TEX2: variants seen among roughly 807,000 people sequenced by gnomAD.
The protein encoded by TEX2 is testis-expressed protein 2.
TEX2 carries 53 observed loss-of-function variants against 106.9 expected under a neutral mutation model. The observed-to-expected ratio is 0.50, with a 90% CI of 0.40 to 0.62. The LOEUF (loss-of-function observed/expected upper bound fraction) is 0.62, where lower values mean the gene tolerates loss of function less well. Ranked by LOEUF, TEX2 falls within the 20% of genes least tolerant of loss-of-function variation. The pLI, the probability that TEX2 is intolerant of heterozygous loss-of-function variation, is 0.00. For missense variants in TEX2, 1,207 were observed against 1,379.0 expected, an observed-to-expected ratio of 0.88 and a Z score of 1.98; for synonymous variants, 523 against 534.8, an observed-to-expected ratio of 0.98 and a Z score of 0.30.
chr17:64,257,851 T>A (rs1321477060), intron 1 of TEX2, among the ~76,000 whole-genome samples: 1 of 152,104 alleles, frequency 6.6e-6, no homozygotes, highest in East Asian at 1.9e-4. Context: ...GTTGCTAAGA[T>A]CTATGTTAAG....
At chr17:64,181,426 A>AGAC (rs2143811863) in intron 5 of TEX2, among the ~76,000 whole-genome samples, 1 of 137,442 alleles carries the variant, frequency 7.3e-6, no homozygotes, top group Non-Finnish European at 1.5e-5. Context: ...CAGTGGGCCG[A>AGAC]GACCGTGCCA....
intron 6 of TEX2, among the ~76,000 whole-genome samples, chr17:64,175,927 C>T (rs2031599442): frequency 6.6e-6 from 1 of 152,234 alleles, no homozygotes; most frequent in Admixed American, 6.5e-5. Flanking sequence ...ACCCATATGC[C>T]TTGACCTGGG....
At chr17:64,151,078 T>C in intron 10 of TEX2, 117 bp from the exon 11 acceptor site, 13 of 1,190,232 alleles carry the variant, frequency 1.1e-5, no homozygotes, top group Non-Finnish European at 1.5e-5. Flanking sequence ...TGTTATTTTC[T>C]TCTGAAAATG....
At chr17:64,210,164 T>C (rs370674821) in intron 2 of TEX2, among the ~76,000 whole-genome samples, 1 of 152,174 alleles carries the variant, frequency 6.6e-6, no homozygotes, top group South Asian at 2.1e-4. Flanking sequence ...GTACTTCAGG[T>C]AGTCACTGCA....
rs2033230078 is a variant in TEX2 at position 64,217,872 on chromosome 17, C to T, written c.-25-3630G>A. On this transcript the variant is annotated intron_variant, in intron 1 of 11. Coordinates refer to ENST00000584379, the MANE Select transcript of TEX2 (RefSeq NM_001288732.2). This position sits in a 1 kb window ranked among gnomAD's most constrained non-coding sequence, Gnocchi z 4.3. ...TGTAGCTCATGTTGTCGCCAGGCTC[C>T]CATAGGTATGATTTCGTGCTGGAGA... is the stretch of plus-strand genomic sequence containing the variant. Among the ~76,000 whole-genome samples, 1 of 152,160 alleles carries T rather than the reference C, an allele frequency of 6.6e-6. No homozygotes were observed. Among genetic ancestry groups the T allele is most frequent in the African/African-American group, 2.4e-5 (1 of 41,420 alleles).
chr17:64,160,140 A>G (rs903284), intron 8 of TEX2, among the ~76,000 whole-genome samples: 1 of 152,096 alleles, frequency 6.6e-6, no homozygotes, highest in African/African-American at 2.4e-5. Context: ...TCAAAGCAGT[A>G]ATTTTAAGGA....
chr17:64,256,383 A>G (rs1386642785), intron 1 of TEX2, among the ~76,000 whole-genome samples: 2 of 152,150 alleles, frequency 1.3e-5, no homozygotes, highest in Non-Finnish European at 2.9e-5. Context: ...CTGGTTCCCA[A>G]GCTTCTGCTC....
intron 5 of TEX2, among the ~76,000 whole-genome samples, chr17:64,183,930 G>C (rs1236026623): frequency 6.6e-6 from 1 of 151,952 alleles, no homozygotes; most frequent in Admixed American, 6.6e-5. Flanking sequence ...CACTGTGCCT[G>C]GCCACCATCT....
chr17:64,211,683 A>G (rs1286317030), intron 2 of TEX2, among the ~76,000 whole-genome samples: 2 of 152,024 alleles, frequency 1.3e-5, no homozygotes, highest in Non-Finnish European at 2.9e-5. Context: ...GGACTGAAAC[A>G]TTCATCGATT....
At chr17:64,160,048 G>A (rs1015284987) in intron 8 of TEX2, among the ~76,000 whole-genome samples, 5 of 152,136 alleles carry the variant, frequency 3.3e-5, no homozygotes, top group African/African-American at 9.7e-5. Context: ...TTGATTCCAT[G>A]CAAAGGGCTA....
intron 2 of TEX2, among the ~76,000 whole-genome samples, chr17:64,201,106 G>A (rs2032645860): frequency 6.6e-6 from 1 of 152,152 alleles, no homozygotes; most frequent in Admixed American, 6.5e-5. Context: ...AAGACTGCTG[G>A]TCAAAACACA....
chr17:64,201,977 T>A (rs2032678625), intron 2 of TEX2, among the ~76,000 whole-genome samples: 2 of 152,170 alleles, frequency 1.3e-5, no homozygotes, highest in East Asian at 1.9e-4. Flanking sequence ...ATAAGTACAG[T>A]GCTAGCTGTG....
intron 7 of TEX2, among the ~76,000 whole-genome samples, chr17:64,167,123 G>A (rs1387046417): frequency 1.3e-5 from 2 of 152,168 alleles, no homozygotes; most frequent in Non-Finnish European, 2.9e-5. Flanking sequence ...CTCTGGAAAA[G>A]GTGGTCATTT....
intron 7 of TEX2, among the ~76,000 whole-genome samples, chr17:64,170,257 C>G (rs1247147223): frequency 6.6e-6 from 1 of 152,208 alleles, no homozygotes; most frequent in Non-Finnish European, 1.5e-5. Context: ...TTTGAATATA[C>G]TGTACGTCTT....
At chr17:64,210,816 G>A (rs1338857527) in intron 2 of TEX2, among the ~76,000 whole-genome samples, 9 of 151,804 alleles carry the variant, frequency 5.9e-5, no homozygotes, top group Non-Finnish European at 1.0e-4. Flanking sequence ...CCAGGGAAAC[G>A]AAGTTCTCCT....
intron 5 of TEX2, 112 bp from the exon 6 acceptor site, chr17:64,177,583 C>G: frequency 9.1e-7 from 1 of 1,100,216 alleles, no homozygotes; most frequent in Non-Finnish European, 1.3e-6. Flanking sequence ...GGAGACCACA[C>G]GAGTCATACT....
intron 7 of TEX2, 124 bp from the exon 8 acceptor site, chr17:64,161,057 C>G (rs2030862635): frequency 9.6e-7 from 1 of 1,044,340 alleles, no homozygotes; most frequent in Non-Finnish European, 1.4e-6. Flanking sequence ...GTCTACTACT[C>G]TAGTTGAGAA....
chr17:64,213,028 G>GTCT lies in TEX2; in HGVS notation c.1187_1189dup (p.Lys396dup). 1 of 1,614,204 alleles carries GTCT rather than the reference G, an allele frequency of 6.2e-7. No homozygotes were observed. Among genetic ancestry groups the GTCT allele is most frequent in the Non-Finnish European group, 8.5e-7 (1 of 1,180,042 alleles). On this transcript the variant is annotated inframe_insertion, in exon 2 of 12. Transcript: ENST00000584379. The surrounding 1 kb of genome is among the most constrained non-coding windows in gnomAD (Gnocchi z 4.4). ...ACATTTCTCCAGAACTAGAGAACTT[G>GTCT]TCTTCAGGCCTAAATCCTTCAGACT...
chr17:64,188,120 T>C (rs1293038146), intron 5 of TEX2, 48 bp downstream of exon 5: 1 of 1,580,694 alleles, frequency 6.3e-7, no homozygotes, highest in Admixed American at 1.7e-5. Context: ...TGAAGAAATG[T>C]GTCTAAGTCG....
Sources: gnomAD v4.1 joint callset for allele counts (sites outside exome capture counted in the v4.1 genomes callset) on GRCh38, gnomAD v4.1.1 for gene constraint, Gnocchi (gnomAD v3.1) non-coding constraint, MANE v1.5 for transcripts, NCBI Gene and HGNC (gene_info 2026-07-23, HGNC 2026-07-21) for gene names.